FRMD4A: variants seen among roughly 807,000 people sequenced by gnomAD.
FRMD4A encodes FERM domain-containing protein 4A.
FRMD4A carries 29 observed loss-of-function variants against 129.1 expected under a neutral mutation model. The observed-to-expected ratio is 0.22, with a 90% CI of 0.17 to 0.31. The LOEUF is 0.31. FRMD4A is among the 10% of genes least tolerant of loss of function. The pLI, the probability that FRMD4A is intolerant of heterozygous loss-of-function variation, is 1.00. For synonymous variants in FRMD4A, 634 were observed against 571.6 expected (o/e 1.11, Z -1.56); for missense variants, 1,272 against 1,375.8 (o/e 0.92, Z 1.19).
chr10:13,678,021 G>T (rs1221395721), intron 15 of FRMD4A, among the ~76,000 whole-genome samples: 1 of 152,124 alleles, frequency 6.6e-6, no homozygotes, highest in Non-Finnish European at 1.5e-5. Flanking sequence ...TTCTGGAATG[G>T]CACAAATTAC....
chr10:13,659,450 C>T lies in FRMD4A; in HGVS notation c.1939G>A (p.Ala647Thr). The change falls in exon 21 of 25, where the codon GCC becomes ACC. Residue 647 changes from alanine to threonine, a missense_variant. Coordinates refer to ENST00000357447, the MANE Select transcript of FRMD4A (RefSeq NM_018027.5). Reference sequence around the variant, plus strand: ...TGCAAGGAGTTGCTTCCTCCGCCGGCTTCCGCACAGCTTCCTGTGCTGGGG... The same window carrying T: ...TGCAAGGAGTTGCTTCCTCCGCCGGTTTCCGCACAGCTTCCTGTGCTGGGG... ...RFPSTGSCAE[A>T]GGGSNSLQNS... 6.2e-7 allele frequency: 1 copy of T among 1,613,588 alleles called. No homozygotes were observed. Among genetic ancestry groups the T allele is most frequent in the Non-Finnish European group, 8.5e-7 (1 of 1,179,916 alleles).
At chr10:14,266,242 GC>G (rs1205664460) in intron 2 of FRMD4A, among the ~76,000 whole-genome samples, 1 of 151,946 alleles carries the variant, frequency 6.6e-6, no homozygotes, top group Non-Finnish European at 1.5e-5. Context: ...AGCCAATAGT[GC>G]CCCCGAATTG....
At chr10:14,139,512 C>T (rs1839726247) in intron 2 of FRMD4A, among the ~76,000 whole-genome samples, 1 of 151,902 alleles carries the variant, frequency 6.6e-6, no homozygotes, top group African/African-American at 2.4e-5. Context: ...TACTGTGGCT[C>T]AACCATGGCT....
At chr10:14,014,738 C>T (rs61835697) in intron 2 of FRMD4A, among the ~76,000 whole-genome samples, 3 of 152,214 alleles carry the variant, frequency 2.0e-5, no homozygotes, top group Non-Finnish European at 4.4e-5. Flanking sequence ...ATCTCCAGCT[C>T]ACCAGTGTGG....
At chr10:13,833,081 G>A (rs180738610) in intron 3 of FRMD4A, among the ~76,000 whole-genome samples, 133 of 152,310 alleles carry the variant, frequency 8.7e-4, no homozygotes, top group African/African-American at 2.9e-3. Flanking sequence ...GCACCCACTC[G>A]TGCTGGGTAG....
At chr10:14,263,744 C>T (rs994695019) in intron 2 of FRMD4A, among the ~76,000 whole-genome samples, 1 of 152,130 alleles carries the variant, frequency 6.6e-6, no homozygotes, top group African/African-American at 2.4e-5. Context: ...AAGGAGGCCC[C>T]TGGAGTCGCC....
At chr10:14,056,842 T>C (rs1834557449) in intron 2 of FRMD4A, among the ~76,000 whole-genome samples, 1 of 152,228 alleles carries the variant, frequency 6.6e-6, no homozygotes, top group Non-Finnish European at 1.5e-5. Flanking sequence ...TAGTTCTTGT[T>C]CTCTGTCATT....
intron 2 of FRMD4A, among the ~76,000 whole-genome samples, chr10:13,893,397 A>T (rs2094722810): frequency 6.6e-6 from 1 of 152,136 alleles, no homozygotes; most frequent in Non-Finnish European, 1.5e-5. Flanking sequence ...ATTGGAGCCC[A>T]TCTCCTTGTG....
chr10:13,884,168 T>TCACACGCACACG (rs2094584326), intron 2 of FRMD4A, among the ~76,000 whole-genome samples: 1 of 67,454 alleles, frequency 1.5e-5, no homozygotes, highest in Admixed American at 1.3e-4. Context: ...ACACACACAC[T>TCACACGCACACG]CACACACTCA....
intron 6 of FRMD4A, among the ~76,000 whole-genome samples, chr10:13,776,001 T>C (rs1000183581): frequency 6.6e-6 from 1 of 152,230 alleles, no homozygotes; most frequent in East Asian, 1.9e-4. Flanking sequence ...CACGATAATG[T>C]CATGCTTATG....
intron 2 of FRMD4A, among the ~76,000 whole-genome samples, chr10:14,076,823 T>G (rs1835638102): frequency 6.6e-6 from 1 of 152,168 alleles, no homozygotes; most frequent in East Asian, 1.9e-4. Context: ...CCCTGGCCAT[T>G]GAAATCAACT....
chr10:13,912,602 C>T (rs2094954226), intron 2 of FRMD4A, among the ~76,000 whole-genome samples: 1 of 149,102 alleles, frequency 6.7e-6, no homozygotes, highest in South Asian at 2.1e-4. Context: ...GATCTCGGCT[C>T]ACTGCAAGCT....
intron 4 of FRMD4A, among the ~76,000 whole-genome samples, chr10:13,806,454 A>G (rs2130861815): frequency 6.6e-6 from 1 of 152,324 alleles, no homozygotes; most frequent in South Asian, 2.1e-4. Flanking sequence ...TGAACTTCCA[A>G]GCTTGTTCTC....
chr10:13,872,017 A>C (rs2094444222), intron 2 of FRMD4A, among the ~76,000 whole-genome samples: 1 of 152,254 alleles, frequency 6.6e-6, no homozygotes, highest in Middle Eastern at 3.2e-3. Context: ...CTCCTTCCGT[A>C]ATCTATAAAA....
chr10:14,048,887 GAATAGAATAGAATAGAA>G (rs1834120915), intron 2 of FRMD4A, among the ~76,000 whole-genome samples: 2 of 97,446 alleles, frequency 2.1e-5, no homozygotes, highest in South Asian at 3.0e-4. Context: ...GAATAGAATA[GAATAGAATAGAATAGAA>G]AATAAAATGA....
At chr10:13,838,748 C>T (rs921398160) in intron 3 of FRMD4A, among the ~76,000 whole-genome samples, 1 of 152,156 alleles carries the variant, frequency 6.6e-6, no homozygotes, top group Non-Finnish European at 1.5e-5. Context: ...CTGCCTCAGC[C>T]TCCCAAAGTG....
intron 8 of FRMD4A, among the ~76,000 whole-genome samples, chr10:13,758,191 A>G (rs558784454): frequency 6.6e-6 from 1 of 152,342 alleles, no homozygotes; most frequent in South Asian, 2.1e-4. Flanking sequence ...TAGTATCCTG[A>G]AGAAAATAGC....
At chr10:13,656,422 T>C (rs1478216757) in intron 22 of FRMD4A, among the ~76,000 whole-genome samples, 3 of 152,146 alleles carry the variant, frequency 2.0e-5, no homozygotes, top group African/African-American at 7.2e-5. Context: ...TGCACGGTTA[T>C]GGTGCAAGAT....
chr10:14,073,256 A>T (rs1336585642), intron 2 of FRMD4A, among the ~76,000 whole-genome samples: 1 of 151,932 alleles, frequency 6.6e-6, no homozygotes, highest in African/African-American at 2.4e-5. Context: ...CAGTAGTGGG[A>T]GTGAGGGCGA....
Sources: gnomAD v4.1 joint callset for allele counts (sites outside exome capture counted in the v4.1 genomes callset) on GRCh38, gnomAD v4.1.1 for gene constraint, MANE v1.5 for transcripts, NCBI Gene and HGNC (gene_info 2026-07-23, HGNC 2026-07-21) for gene names.